The following SLC12A6 variants were observed in gnomAD, a reference collection of about 807,000 sequenced individuals.
SLC12A6 encodes the protein solute carrier family 12 member 6, also known as K-Cl cotransporter 3.
A neutral mutation model predicts 135.3 loss-of-function variants in SLC12A6; 66 were observed. The ratio of observed to expected loss-of-function variants is 0.49; its 90% CI spans 0.40 to 0.60. The LOEUF is 0.60. Among genes scored for constraint, SLC12A6 ranks in the 20% least tolerant of loss-of-function variants. The pLI is 0.00. For missense variants in SLC12A6, 1,058 were observed against 1,452.3 expected (o/e 0.73, Z 4.41); for synonymous variants, 513 against 508.8 (o/e 1.01, Z -0.11).
At chr15:34,336,944 C>T in intron 1 of SLC12A6, 192 bp from the exon 2 acceptor site, 1 of 497,236 alleles carries the variant, frequency 2.0e-6, no homozygotes, top group African/African-American at 1.9e-5. Context: ...CAATGCCAAT[C>T]TTGTGTGACT....
intron 5 of SLC12A6, 65 bp downstream of exon 5, chr15:34,258,748 G>A: frequency 7.5e-7 from 1 of 1,325,054 alleles, no homozygotes. Flanking sequence ...TGGTGCCTTA[G>A]GTATTTCCTT....
rs1243091834 is a variant in SLC12A6, at chr15:34,250,812, C to G, written c.1493-83G>C. ...CTGATAGCAAAGAGTAGAAGCAAATCTAGGAACCCTGAGAATTCTGCCTCC... is the reference window on the plus strand; with the variant it reads ...CTGATAGCAAAGAGTAGAAGCAAATGTAGGAACCCTGAGAATTCTGCCTCC... On this transcript the variant is annotated intron_variant, in intron 11 of 25. Coordinates refer to ENST00000354181, the MANE Select transcript of SLC12A6 (RefSeq NM_001365088.1). 2.9e-6 allele frequency: 4 copies of G among 1,401,316 alleles called. No individual in the cohort carries two copies. The Admixed American group carries it at 6.7e-5, about 24-fold the overall frequency. 86.8% of individuals were successfully genotyped at this position (1,401,316 alleles called of 1,614,324 possible).
chr15:34,299,168 AT>A (rs1896076456), intron 2 of SLC12A6, among the ~76,000 whole-genome samples: 1 of 150,336 alleles, frequency 6.7e-6, no homozygotes, highest in Non-Finnish European at 1.5e-5. Context: ...CTGGGGGATG[AT>A]GGTGGGGATG....
At chr15:34,245,244 C>A in intron 15 of SLC12A6, 41 bp downstream of exon 15, 1 of 1,054,642 alleles carries the variant, frequency 9.5e-7, no homozygotes, top group South Asian at 1.3e-5. Flanking sequence ...CATTATTTAT[C>A]ATTTAAGCAA....
At chr15:34,262,714 C>T (rs1186521969) in intron 3 of SLC12A6, among the ~76,000 whole-genome samples, 1 of 152,210 alleles carries the variant, frequency 6.6e-6, no homozygotes, top group Non-Finnish European at 1.5e-5. Context: ...CTGGGCGCCA[C>T]CATGTTCCCC....
chr15:34,258,676 T>A, intron 5 of SLC12A6, 137 bp downstream of exon 5: 1 of 789,908 alleles, frequency 1.3e-6, no homozygotes, highest in Non-Finnish European at 2.3e-6. Context: ...GCTATGACGC[T>A]GGTGCCCAGA....
intron 1 of SLC12A6, 27 bp from the exon 2 acceptor site, chr15:34,336,779 A>AT: frequency 1.1e-6 from 1 of 951,374 alleles, no homozygotes; most frequent in South Asian, 1.3e-5. Flanking sequence ...AACTTGAAAA[A>AT]TAACACATTT....
chr15:34,335,352 T>C lies in SLC12A6; in HGVS notation c.271+1058A>G, dbSNP rs184522469. Among the ~76,000 whole-genome samples the C allele has an allele frequency of 3.2e-4, 48 of 152,328 alleles. No homozygotes were observed. The East Asian group carries it at 7.7e-3, about 24-fold the overall frequency. On this transcript the variant is annotated intron_variant, in intron 2 of 25. Coordinates refer to ENST00000354181, the MANE Select transcript of SLC12A6 (RefSeq NM_001365088.1). ...ATTAGGGAACTAAAATCATTCTGGT[T>C]TCCTGAACCCTTTAGGTTAAAAGGA...
At chr15:34,292,747 C>T (rs972137289) in intron 2 of SLC12A6, among the ~76,000 whole-genome samples, 11 of 152,146 alleles carry the variant, frequency 7.2e-5, no homozygotes, top group African/African-American at 2.4e-4. Flanking sequence ...CACCAAGCTC[C>T]CACGTCCCAG....
At chr15:34,320,621 TA>T (rs971623411) in intron 2 of SLC12A6, among the ~76,000 whole-genome samples, 1 of 143,244 alleles carries the variant, frequency 7.0e-6, no homozygotes, top group Non-Finnish European at 1.5e-5. Flanking sequence ...TTTTTTTTTT[TA>T]AAGAAAAAGC....
In SLC12A6 at chr15:34,231,301, G is replaced by A. The variant is rs958782667; in HGVS notation, c.*2580C>T. 1 of 152,044 alleles carries A rather than the reference G, an allele frequency of 6.6e-6. No homozygotes were observed. The highest frequency in any genetic ancestry group is 1.5e-5 in the Non-Finnish European group (1 of 68,166). The allele number at this position is 152,044 out of a possible 1,614,324, so 9.4% of individuals were successfully genotyped here. ...CGCTTGAACCCAGGAGGCAGAGGTT[G>A]CGGTGAGCCAAGATTGTGCCATTTC... On this transcript the variant is annotated 3_prime_UTR_variant, in exon 26 of 26. Coordinates refer to ENST00000354181, the MANE Select transcript of SLC12A6 (RefSeq NM_001365088.1).
Position 34,239,049 on chromosome 15 carries a change from C to A in SLC12A6, c.2548G>T (p.Gly850Cys). ...ATCACCACCGTGTTGTGCTTCATGCCCCCAAGGCCACATGACTGGATGAGG... is the reference window on the plus strand; with the variant it reads ...ATCACCACCGTGTTGTGCTTCATGCACCCAAGGCCACATGACTGGATGAGG... The part of the protein sequence containing the change: ...SHLIQSCGLG[G>C]MKHNTVVMGW... Residue 850 changes from glycine to cysteine, a missense_variant, in exon 20 of 26, where the codon GGC becomes TGC. By Grantham distance (159) the Gly-to-Cys change is radical (BLOSUM62 -3). This residue lies in a region of SLC12A6 where 245 missense variants were observed against 440.8 expected (regional missense o/e 0.56). Transcript: ENST00000354181. 1 of 1,614,126 alleles carries A rather than the reference C, an allele frequency of 6.2e-7. No individual in the cohort carries two copies. Among genetic ancestry groups the A allele is most frequent in the Non-Finnish European group, 8.5e-7 (1 of 1,179,986 alleles).
At chr15:34,330,997 G>A (rs1036231121) in intron 2 of SLC12A6, among the ~76,000 whole-genome samples, 5 of 151,786 alleles carry the variant, frequency 3.3e-5, no homozygotes, top group African/African-American at 7.3e-5. Context: ...AGTGGAGACC[G>A]CACCATTGCA....
At chr15:34,323,563 A>G (rs1377343199) in intron 2 of SLC12A6, among the ~76,000 whole-genome samples, 1 of 152,186 alleles carries the variant, frequency 6.6e-6, no homozygotes, top group African/African-American at 2.4e-5. Context: ...GTTTCATGCC[A>G]AAACCATGCC....
At chr15:34,310,868 C>T (rs1176103114) in intron 2 of SLC12A6, among the ~76,000 whole-genome samples, 2 of 150,932 alleles carry the variant, frequency 1.3e-5, no homozygotes, top group Admixed American at 6.7e-5. Flanking sequence ...GATCTGCCCA[C>T]CTTGGCCACC....
At chr15:34,318,988 G>C (rs2141117927) in intron 2 of SLC12A6, among the ~76,000 whole-genome samples, 1 of 152,234 alleles carries the variant, frequency 6.6e-6, no homozygotes, top group South Asian at 2.1e-4. Flanking sequence ...CTGAAACCTG[G>C]AGACTGGACA....
intron 2 of SLC12A6, among the ~76,000 whole-genome samples, chr15:34,287,273 T>G (rs535151425): frequency 1.6e-4 from 25 of 152,292 alleles, no homozygotes; most frequent in African/African-American, 5.5e-4. Context: ...GAGAATGATG[T>G]TTCCAGCTTC....
chr15:34,325,364 G>T (rs9972305), intron 2 of SLC12A6, among the ~76,000 whole-genome samples: 26,899 of 152,032 alleles, frequency 0.18, 2,577 homozygotes, highest in East Asian at 0.33. Context: ...ATTATTAAAA[G>T]AATTGAATGC....
chr15:34,241,075 A>G, intron 18 of SLC12A6, 158 bp downstream of exon 18: 1 of 666,132 alleles, frequency 1.5e-6, no homozygotes, highest in Non-Finnish European at 2.7e-6. Flanking sequence ...CGACATGAAG[A>G]AAAGGGAATA....
Sources: gnomAD v4.1 joint callset for allele counts (sites outside exome capture counted in the v4.1 genomes callset) on GRCh38, gnomAD v4.1.1 for gene constraint, gnomAD v4.1.1 regional missense constraint, MANE v1.5 for transcripts, NCBI Gene and HGNC (gene_info 2026-07-23, HGNC 2026-07-21) for gene names.